CCT4: variants seen among roughly 807,000 people sequenced by gnomAD.
The protein encoded by CCT4 is T-complex protein 1 subunit delta.
In CCT4, 17 loss-of-function variants were observed where a neutral mutation model predicts 62.5. That is an observed-to-expected ratio of 0.27 (90% CI 0.19 to 0.41). The LOEUF is 0.41. CCT4 is among the 10% of genes least tolerant of loss of function. The pLI, the probability that CCT4 is intolerant of heterozygous loss-of-function variation, is 1.00. For synonymous variants in CCT4, 250 were observed against 229.9 expected (o/e 1.09, Z -0.79); for missense variants, 592 against 659.2 (o/e 0.90, Z 1.12).
intron 12 of CCT4, 131 bp from the exon 13 acceptor site, chr2:61,869,684 T>C (rs1339634854): frequency 2.1e-5 from 13 of 620,106 alleles, no homozygotes; most frequent in African/African-American, 9.2e-5. Flanking sequence ...AATATGATAC[T>C]CTACTAAGCT....
At chr2:61,883,919 T>G (rs571746517) in intron 2 of CCT4, among the ~76,000 whole-genome samples, 1 of 152,178 alleles carries the variant, frequency 6.6e-6, no homozygotes, top group Non-Finnish European at 1.5e-5. Context: ...TACCATGCCA[T>G]GCGGTGAACA....
chr2:61,872,099 C>T lies in CCT4; in HGVS notation c.1474G>A (p.Gly492Ser), dbSNP rs749287965. The stretch of plus-strand genomic sequence containing the variant: ...ATGATTACCTTTCGGACATTAATGC[C>T]TGCAGTTTTTTCTCCCTGGGCATGC... ...NRHAQGEKTAGINVRKGGISN... is the reference protein window; with the variant it reads ...NRHAQGEKTASINVRKGGISN... Residue 492 changes from glycine to serine, a missense_variant, in exon 12 of 14, where the codon GGC becomes AGC. Physicochemically the swap from Gly to Ser is moderately conservative, Grantham distance 56. Around this residue, in one of 3 missense-constraint regions of CCT4, gnomAD observed 522 missense variants for 571.2 expected, o/e 0.91. Coordinates refer to ENST00000394440, the MANE Select transcript of CCT4 (RefSeq NM_006430.4). 1 of 1,610,456 alleles carries T rather than the reference C, an allele frequency of 6.2e-7. No homozygotes were observed. The highest frequency in any genetic ancestry group is 1.7e-5 in the Admixed American group (1 of 59,966).
intron 7 of CCT4, among the ~76,000 whole-genome samples, chr2:61,876,694 G>A (rs1216926850): frequency 6.6e-6 from 1 of 152,156 alleles, no homozygotes; most frequent in African/African-American, 2.4e-5. Flanking sequence ...AAGGAGCTGG[G>A]ACTACAGGCA....
In CCT4 at chr2:61,872,563, T is replaced by C; in HGVS notation, c.1151A>G (p.Lys384Arg). The change falls in exon 11 of 14, where the codon AAA becomes AGA. Residue 384 changes from lysine to arginine, a missense_variant. Around this residue, in one of 3 missense-constraint regions of CCT4, gnomAD observed 522 missense variants for 571.2 expected, o/e 0.91. Coordinates refer to ENST00000394440, the MANE Select transcript of CCT4 (RefSeq NM_006430.4). The part of the protein sequence containing the change: ...LKITGCASPG[K>R]TVTIVVRGSN... ...ACCACGAACAACAATTGTAACTGTT[T>C]TTCCAGGGCTGGCACAGCCTGTAAT... 4 of 1,614,158 alleles carry C rather than the reference T, an allele frequency of 2.5e-6. No individual in the cohort carries two copies. The highest frequency in any genetic ancestry group is 3.4e-6 in the Non-Finnish European group (4 of 1,179,998).
chr2:61,884,880 C>G (rs1252360973), intron 2 of CCT4, 140 bp downstream of exon 2: 1 of 663,420 alleles, frequency 1.5e-6, no homozygotes, highest in Admixed American at 3.4e-5. Flanking sequence ...CTCCCCTCAC[C>G]CTCCCAAAGT....
rs577171461 is a variant in CCT4 at position 61,888,430 on chromosome 2, G to C, written c.78C>G (p.Asp26Glu). The C allele has an allele frequency of 1.2e-6, 2 of 1,612,618 alleles. No individual in the cohort carries two copies. The highest frequency in any genetic ancestry group is 1.1e-5 in the South Asian group (1 of 90,936). The change falls in exon 1 of 14, where the codon GAC (aspartate) becomes GAG (glutamate). Residue 26 changes from aspartate to glutamate, a missense_variant. Physicochemically the swap from Asp to Glu is conservative, Grantham distance 45. This residue lies in a region of CCT4 where 67 missense variants were observed against 71.1 expected (regional missense o/e 0.94). Transcript: ENST00000394440. ...AGCGGATCTGGGCTGGCTTGTCGCG[G>C]TCCTGATAGGCGCCTTTCCCGCGGC... Reference protein sequence around the residue: ...AGGRGKGAYQDRDKPAQIRFS... With the variant: ...AGGRGKGAYQERDKPAQIRFS...
chr2:61,878,328 A>G (rs980381277), intron 5 of CCT4, among the ~76,000 whole-genome samples: 8 of 152,334 alleles, frequency 5.3e-5, no homozygotes, highest in African/African-American at 1.9e-4. Context: ...CAGCATAAGT[A>G]TTAGTTAAGG....
At chr2:61,873,319 TCA>T in intron 8 of CCT4, 26 bp from the exon 9 acceptor site, 4 of 1,301,444 alleles carry the variant, frequency 3.1e-6, no homozygotes, top group Non-Finnish European at 4.4e-6. Context: ...AGTGATTATG[TCA>T]ATGCTAGATT....
intron 10 of CCT4, 26 bp from the exon 11 acceptor site, chr2:61,872,614 G>A: frequency 1.2e-6 from 2 of 1,612,146 alleles, no homozygotes; most frequent in Non-Finnish European, 1.7e-6. Context: ...TCCAAATTAA[G>A]TATTTGAAGG....
intron 6 of CCT4, 40 bp downstream of exon 6, chr2:61,877,352 AT>A: frequency 6.3e-7 from 1 of 1,582,486 alleles, no homozygotes; most frequent in Non-Finnish European, 8.6e-7. Context: ...TCTGATGCTC[AT>A]TTTCAAATTT....
intron 8 of CCT4, among the ~76,000 whole-genome samples, chr2:61,873,811 C>T (rs938824294): frequency 6.6e-6 from 1 of 152,184 alleles, no homozygotes; most frequent in Admixed American, 6.6e-5. Context: ...GGTGATCCAC[C>T]CGCCTTGGCT....
intron 1 of CCT4, among the ~76,000 whole-genome samples, chr2:61,885,423 A>T (rs1159312456): frequency 2.0e-5 from 3 of 151,410 alleles, no homozygotes; most frequent in Admixed American, 1.3e-4. Flanking sequence ...TATTATTATT[A>T]TTTTTTGAGA....
chr2:61,877,211 T>C (rs577373424), intron 6 of CCT4, among the ~76,000 whole-genome samples, 159 bp from the exon 7 acceptor site: 7 of 152,198 alleles, frequency 4.6e-5, no homozygotes, highest in Non-Finnish European at 8.8e-5. Context: ...ACTGCTGCCT[T>C]ACTATCATAA....
intron 5 of CCT4, 70 bp downstream of exon 5, chr2:61,878,784 GTATTTATGTACCGTA>G: frequency 1.2e-6 from 1 of 853,848 alleles, no homozygotes; most frequent in Non-Finnish European, 1.8e-6. Flanking sequence ...TTGAGATTTA[GTATTTATGTACCGTA>G]TAGCATCAAG....
intron 1 of CCT4, among the ~76,000 whole-genome samples, chr2:61,886,363 G>A (rs185112648): frequency 8.5e-5 from 13 of 152,290 alleles, no homozygotes; most frequent in East Asian, 3.9e-4. Context: ...AATGAGCAGA[G>A]ATCACACCAC....
At chr2:61,869,226 C>A in intron 13 of CCT4, among the ~76,000 whole-genome samples, 1 of 149,694 alleles carries the variant, frequency 6.7e-6, no homozygotes, top group African/African-American at 2.5e-5. Flanking sequence ...ATCCCAGCTA[C>A]TCAGGAGGAT....
At chr2:61,879,256 CTTTTTTT>C (rs35373962) in intron 4 of CCT4, among the ~76,000 whole-genome samples, 52 of 101,048 alleles carry the variant, frequency 5.1e-4, no homozygotes, top group Non-Finnish European at 7.6e-4. Context: ...AAATTTTATA[CTTTTTTT>C]TTTTTTTTTT....
chr2:61,888,631 G>T lies in CCT4; in HGVS notation c.-124C>A, dbSNP rs377594655. On this transcript the variant is annotated 5_prime_UTR_variant, in exon 1 of 14. Transcript: ENST00000394440. Reference sequence around the variant, plus strand: ...GAACCTTCCAGAAAGCGGCGCCGGCGTCGGGAGGAGGCGGAGGCGGAGAAG... The same window carrying T: ...GAACCTTCCAGAAAGCGGCGCCGGCTTCGGGAGGAGGCGGAGGCGGAGAAG... The T allele has an allele frequency of 9.1e-5, 110 of 1,207,114 alleles. No individual in the cohort carries two copies. In the African/African-American group the frequency reaches 1.5e-3, roughly 16 times the overall value. 74.8% of individuals were successfully genotyped at this position (1,207,114 alleles called of 1,614,324 possible).
chr2:61,869,013 T>C (rs960432919), intron 13 of CCT4: 1 of 359,796 alleles, frequency 2.8e-6, no homozygotes. Context: ...CACATGCCTG[T>C]AATCCCAGCT....
Sources: allele counts gnomAD v4.1 joint callset (sites outside exome capture counted in the v4.1 genomes callset), GRCh38; gene constraint gnomAD v4.1.1; regional missense constraint gnomAD v4.1.1; transcripts MANE v1.5; gene names NCBI Gene and HGNC (gene_info 2026-07-23, HGNC 2026-07-21).